Variants in POU6F2 observed in about 807,000 individuals in gnomAD.
POU6F2 encodes the protein POU class 6 homeobox 2.
Under a neutral mutation model 71.3 loss-of-function variants are expected in POU6F2, and 31 were observed. The ratio of observed to expected loss-of-function variants is 0.43; its 90% CI spans 0.33 to 0.59. POU6F2 has a LOEUF of 0.59. POU6F2 is among the 20% of genes least tolerant of loss of function. The pLI, the probability that POU6F2 is intolerant of heterozygous loss-of-function variation, is 0.04. For missense variants in POU6F2, 783 were observed against 856.8 expected (o/e 0.91, Z 1.07); for synonymous variants, 347 against 355.7 (o/e 0.98, Z 0.27).
chr7:39,078,474 G>A (rs1182037583), intron 1 of POU6F2, among the ~76,000 whole-genome samples: 1 of 152,126 alleles, frequency 6.6e-6, no homozygotes, highest in Non-Finnish European at 1.5e-5. Context: ...TGGTCAATAA[G>A]GTACTAATTC....
intron 5 of POU6F2, among the ~76,000 whole-genome samples, chr7:39,348,197 G>A (rs1477289556): frequency 9.3e-6 from 1 of 107,540 alleles, no homozygotes; most frequent in East Asian, 2.0e-4. Flanking sequence ...TCCCAAAGTT[G>A]TGGTTTTTAG....
chr7:39,455,032 C>T (rs991190934), intron 8 of POU6F2, among the ~76,000 whole-genome samples: 1 of 152,012 alleles, frequency 6.6e-6, no homozygotes, highest in African/African-American at 2.4e-5. Flanking sequence ...ATTTATAGCA[C>T]CTACACACCT....
chr7:39,297,790 C>T (rs887265859), intron 4 of POU6F2, among the ~76,000 whole-genome samples: 3 of 149,618 alleles, frequency 2.0e-5, no homozygotes, highest in Admixed American at 1.3e-4. Flanking sequence ...CAGCATGGTA[C>T]TGGTACCAAA....
chr7:39,047,210 T>G (rs891548156), intron 1 of POU6F2, among the ~76,000 whole-genome samples: 1 of 151,918 alleles, frequency 6.6e-6, no homozygotes, highest in African/African-American at 2.4e-5. Context: ...TATGTATAAA[T>G]TTTATATATT....
chr7:39,099,710 C>T (rs1180425928), intron 2 of POU6F2, among the ~76,000 whole-genome samples: 1 of 152,172 alleles, frequency 6.6e-6, no homozygotes, highest in Non-Finnish European at 1.5e-5. Flanking sequence ...AAATACCTAT[C>T]TGATGGGATG....
In POU6F2 at chr7:38,980,875, T is replaced by G. The variant is rs1427275026; in HGVS notation, c.105+2817T>G. ...CAGTTGCTTCCACTGTAGGGAAGAG[T>G]AGACTTTTCTGTTTCTGGCCATGAT... On this transcript the variant is annotated intron_variant, in intron 1 of 9. Transcript: ENST00000518318. Among the ~76,000 whole-genome samples the G allele has an allele frequency of 2.6e-5, 4 of 151,902 alleles. No homozygotes were observed. The East Asian group carries it at 5.8e-4, about 22-fold the overall frequency.
At chr7:39,216,693 A>C (rs1300663504) in intron 4 of POU6F2, among the ~76,000 whole-genome samples, 1 of 152,258 alleles carries the variant, frequency 6.6e-6, no homozygotes, top group Non-Finnish European at 1.5e-5. Context: ...GAGAAAATAT[A>C]AGTGAATGCT....
intron 4 of POU6F2, among the ~76,000 whole-genome samples, chr7:39,322,711 A>G (rs1029351642): frequency 6.6e-6 from 1 of 152,204 alleles, no homozygotes; most frequent in East Asian, 1.9e-4. Flanking sequence ...ATTTTACAGA[A>G]TTTTTAGGAT....
chr7:39,455,023 T>A (rs1035018068), intron 8 of POU6F2, among the ~76,000 whole-genome samples: 6 of 152,020 alleles, frequency 3.9e-5, no homozygotes, highest in African/African-American at 1.4e-4. Flanking sequence ...ACAATACTTA[T>A]TTATAGCACC....
At chr7:39,447,219 A>G (rs1296792881) in intron 7 of POU6F2, among the ~76,000 whole-genome samples, 3 of 152,186 alleles carry the variant, frequency 2.0e-5, no homozygotes, top group African/African-American at 7.2e-5. Flanking sequence ...AAAATATTTG[A>G]AATTTTATAT....
intron 4 of POU6F2, among the ~76,000 whole-genome samples, chr7:39,298,165 G>A (rs1361578963): frequency 6.6e-6 from 1 of 152,046 alleles, no homozygotes; most frequent in African/African-American, 2.4e-5. Flanking sequence ...ATGACAAATG[G>A]GATCTAACTA....
chr7:39,191,609 G>T (rs1240719167), intron 2 of POU6F2, among the ~76,000 whole-genome samples: 1 of 152,158 alleles, frequency 6.6e-6, no homozygotes, highest in Non-Finnish European at 1.5e-5. Context: ...TCATGTAATG[G>T]TGTTAAAATA....
intron 1 of POU6F2, among the ~76,000 whole-genome samples, chr7:38,998,732 G>A (rs1308198857): frequency 6.7e-6 from 1 of 150,086 alleles, no homozygotes; most frequent in Non-Finnish European, 1.5e-5. Context: ...CTCACTGCAA[G>A]CTCCGCCTCC....
At chr7:39,277,773 C>G (rs12701711) in intron 4 of POU6F2, among the ~76,000 whole-genome samples, 115,464 of 151,910 alleles carry the variant, frequency 0.76, 43,978 homozygotes, top group Middle Eastern at 0.85. Flanking sequence ...AGAAAAAGGT[C>G]GGGGGCCAGG....
chr7:39,101,273 C>G (rs972527257), intron 2 of POU6F2, among the ~76,000 whole-genome samples: 8 of 152,058 alleles, frequency 5.3e-5, no homozygotes, highest in African/African-American at 1.9e-4. Flanking sequence ...GGGGTTTCGC[C>G]ATGTTGGCCA....
intron 1 of POU6F2, among the ~76,000 whole-genome samples, chr7:39,079,634 T>C (rs982654400): frequency 3.3e-5 from 5 of 152,204 alleles, no homozygotes; most frequent in African/African-American, 1.2e-4. Flanking sequence ...ACGCAGCATT[T>C]ATTTTTAATT....
intron 1 of POU6F2, among the ~76,000 whole-genome samples, chr7:39,012,525 A>G (rs371927690): frequency 3.3e-5 from 5 of 151,728 alleles, no homozygotes; most frequent in Middle Eastern, 3.4e-3. Context: ...CTCTCAGCTC[A>G]TCAAAGTCAT....
chr7:39,195,597 TC>T (rs1362415059), intron 2 of POU6F2, among the ~76,000 whole-genome samples: 1 of 151,630 alleles, frequency 6.6e-6, no homozygotes, highest in African/African-American at 2.4e-5. Flanking sequence ...AGTCCCCATC[TC>T]CTCTTTAGGC....
chr7:39,058,307 G>C (rs1255328458), intron 1 of POU6F2, among the ~76,000 whole-genome samples: 1 of 152,186 alleles, frequency 6.6e-6, no homozygotes, highest in East Asian at 1.9e-4. Flanking sequence ...GAGAGTGAGA[G>C]GAACCCTGAT....
Sources: allele counts gnomAD v4.1 joint callset (sites outside exome capture counted in the v4.1 genomes callset), GRCh38; gene constraint gnomAD v4.1.1; transcripts MANE v1.5; gene names NCBI Gene and HGNC (gene_info 2026-07-23, HGNC 2026-07-21).